Variants in CACNB2 observed in about 807,000 individuals in gnomAD.
CACNB2 encodes calcium voltage-gated channel auxiliary subunit beta 2.
A neutral mutation model predicts 73.3 loss-of-function variants in CACNB2; 42 were observed. The ratio of observed to expected loss-of-function variants is 0.57; its 90% confidence interval spans 0.45 to 0.74. The LOEUF (loss-of-function observed/expected upper bound fraction) is 0.74. Among genes scored for constraint, CACNB2 ranks in the 30% least tolerant of loss-of-function variants. CACNB2 has a pLI of 0.00. For synonymous variants in CACNB2, 348 were observed against 310.3 expected (o/e 1.12, Z -1.28); for missense variants, 940 against 853.0 (o/e 1.10, Z -1.27).
rs1247230613 is a variant in CACNB2, at chr10:18,540,279, T to TAGAC, written c.*558_*561dup. The TAGAC allele has an allele frequency of 6.7e-6, 1 of 150,290 alleles. No homozygotes were observed. 9.3% of individuals were successfully genotyped at this position (150,290 alleles called of 1,614,324 possible). On this transcript the variant is annotated 3_prime_UTR_variant, in exon 14 of 14. Coordinates refer to ENST00000324631, the MANE Select transcript of CACNB2 (RefSeq NM_201596.3). ...CTATGTACTAGTACTGTGTACTGTATAGACAGTTTGTAAATGTTATTTCTG... is the reference window on the plus strand; with the variant it reads ...CTATGTACTAGTACTGTGTACTGTATAGACAGACAGTTTGTAAATGTTATTTCTG...
At chr10:18,514,685 G>A (rs1477615273) in intron 7 of CACNB2, among the ~76,000 whole-genome samples, 7 of 152,164 alleles carry the variant, frequency 4.6e-5, no homozygotes, top group African/African-American at 1.4e-4. Context: ...TAAATTCAGG[G>A]AGTGACCTGT....
intron 2 of CACNB2, among the ~76,000 whole-genome samples, chr10:18,233,413 G>C (rs1302330811): frequency 4.6e-5 from 7 of 151,902 alleles, no homozygotes; most frequent in Non-Finnish European, 4.4e-5. Context: ...GTAAGCACTT[G>C]AGACTTGGGA....
chr10:18,171,655 A>G lies in CACNB2; in HGVS notation c.213+20680A>G, dbSNP rs138066196. Among the ~76,000 whole-genome samples, 709 of 147,666 alleles carry G rather than the reference A, an allele frequency of 4.8e-3. 3 individuals carry two copies. Among genetic ancestry groups the G allele is most frequent in the African/African-American group, 0.017 (670 of 40,132 alleles). ...GTTTACACACCACCGTTCACACACC[A>G]CCGTTTGGACTCATCTGTTTGGACA... On this transcript the variant is annotated intron_variant, in intron 2 of 13. Transcript: ENST00000324631.
intron 2 of CACNB2, among the ~76,000 whole-genome samples, chr10:18,363,037 T>C (rs1056307876): frequency 2.0e-5 from 3 of 152,240 alleles, no homozygotes; most frequent in African/African-American, 7.2e-5. Context: ...ATTGTCTGTG[T>C]TGAAGACAGT....
intron 12 of CACNB2, among the ~76,000 whole-genome samples, chr10:18,537,376 T>A (rs1208980368): frequency 6.6e-6 from 1 of 152,188 alleles, no homozygotes; most frequent in Non-Finnish European, 1.5e-5. Flanking sequence ...CACTAAAAAA[T>A]CTTTTGAAAA....
chr10:18,528,041 C>T (rs1248873291), intron 10 of CACNB2, among the ~76,000 whole-genome samples: 1 of 152,012 alleles, frequency 6.6e-6, no homozygotes, highest in Non-Finnish European at 1.5e-5. Context: ...TTTCCTCATC[C>T]TAAAAAAGAA....
intron 2 of CACNB2, among the ~76,000 whole-genome samples, chr10:18,241,130 G>A (rs1253165782): frequency 2.0e-5 from 3 of 151,970 alleles, no homozygotes; most frequent in African/African-American, 7.3e-5. Flanking sequence ...GACTAAACTC[G>A]TGTTCATCTT....
intron 2 of CACNB2, among the ~76,000 whole-genome samples, chr10:18,236,691 G>A (rs997166349): frequency 6.6e-6 from 1 of 152,112 alleles, no homozygotes; most frequent in Admixed American, 6.5e-5. Flanking sequence ...CCCCCAAAAT[G>A]ACAGTCTCTG....
intron 2 of CACNB2, among the ~76,000 whole-genome samples, chr10:18,339,279 G>A (rs2041140040): frequency 6.6e-6 from 1 of 152,006 alleles, no homozygotes; most frequent in African/African-American, 2.4e-5. Context: ...CCAGCACTTT[G>A]GGAGGCCAAG....
intron 2 of CACNB2, chr10:18,260,812 A>G (rs561426460): frequency 2.9e-6 from 3 of 1,022,238 alleles, no homozygotes; most frequent in Non-Finnish European, 3.5e-6. Flanking sequence ...CAGCAGGAGT[A>G]GGCCTCCTGC....
At chr10:18,219,272 C>T (rs568292819) in intron 2 of CACNB2, among the ~76,000 whole-genome samples, 1 of 151,868 alleles carries the variant, frequency 6.6e-6, no homozygotes, top group South Asian at 2.1e-4. Flanking sequence ...CCTTTTTTTG[C>T]CTCAAATATT....
chr10:18,450,230 C>T (rs978347829), intron 3 of CACNB2, among the ~76,000 whole-genome samples: 1 of 152,176 alleles, frequency 6.6e-6, no homozygotes, highest in Admixed American at 6.5e-5. Flanking sequence ...ACTGAAAGTG[C>T]ATGTTTACTA....
chr10:18,535,499 G>C (rs929995047), intron 11 of CACNB2, among the ~76,000 whole-genome samples: 1 of 152,056 alleles, frequency 6.6e-6, no homozygotes, highest in Non-Finnish European at 1.5e-5. Flanking sequence ...TCGGCCGGGC[G>C]CAGTGGCTCA....
chr10:18,416,380 A>C (rs942784285), intron 3 of CACNB2, among the ~76,000 whole-genome samples: 1 of 152,032 alleles, frequency 6.6e-6, no homozygotes. Context: ...GGCTGCTTCC[A>C]CCTCTTGGCT....
At position 18,540,449 on chromosome 10, in the gene CACNB2, C is replaced by T. The variant is rs2054011249; in HGVS notation, c.*725C>T. The T allele has an allele frequency of 6.6e-6, 1 of 152,464 alleles. No individual in the cohort carries two copies. The highest frequency in any genetic ancestry group is 1.5e-5 in the Non-Finnish European group (1 of 68,022). The allele number at this position is 152,464 out of a possible 1,614,324, so 9.4% of individuals were successfully genotyped here. A position where few individuals can be genotyped will look rare whatever the true frequency, so the allele number is the denominator to read the frequency against. On this transcript the variant is annotated 3_prime_UTR_variant, in exon 14 of 14. Coordinates refer to ENST00000324631, the MANE Select transcript of CACNB2 (RefSeq NM_201596.3). ...CCCACATTCAGGAAATTTGTAATAA[C>T]ATTGTCTAGACACCTATCCTCATTC...
At chr10:18,151,926 A>G (rs529508757) in intron 2 of CACNB2, among the ~76,000 whole-genome samples, 79 of 152,238 alleles carry the variant, frequency 5.2e-4, no homozygotes, top group Non-Finnish European at 9.4e-4. Context: ...GTCCATCATC[A>G]TGGCCATAGA....
chr10:18,363,727 T>C (rs2042233127), intron 2 of CACNB2, among the ~76,000 whole-genome samples: 1 of 152,132 alleles, frequency 6.6e-6, no homozygotes, highest in Non-Finnish European at 1.5e-5. Flanking sequence ...ATACTCATTA[T>C]AGCTGTGTGA....
intron 2 of CACNB2, among the ~76,000 whole-genome samples, chr10:18,381,985 A>G (rs1258791743): frequency 6.6e-6 from 1 of 152,064 alleles, no homozygotes; most frequent in Non-Finnish European, 1.5e-5. Context: ...GCACAAAAGC[A>G]TAACTTGAGA....
chr10:18,354,452 A>G (rs1447088477), intron 2 of CACNB2, among the ~76,000 whole-genome samples: 1 of 152,168 alleles, frequency 6.6e-6, no homozygotes, highest in Non-Finnish European at 1.5e-5. Flanking sequence ...GGGGAGAGAA[A>G]CATGGCAGCC....
Sources: gnomAD v4.1 joint callset for allele counts (sites outside exome capture counted in the v4.1 genomes callset) on GRCh38, gnomAD v4.1.1 for gene constraint, MANE v1.5 for transcripts, NCBI Gene and HGNC (gene_info 2026-07-23, HGNC 2026-07-21) for gene names.